GYPE: variants seen among roughly 807,000 people sequenced by gnomAD.
GYPE encodes the protein glycophorin-E.
Under a neutral mutation model 11.6 loss-of-function variants are expected in GYPE, and 8 were observed. That is an observed-to-expected ratio of 0.69 (90% CI 0.41 to 1.25). GYPE has a LOEUF of 1.25. GYPE is among the 50% of genes most tolerant of loss of function. The pLI is 0.01. For missense variants in GYPE, 90 were observed against 92.8 expected (o/e 0.97, Z 0.12); for synonymous variants, 28 against 29.6 (o/e 0.94, Z 0.18).
At chr4:143,894,868 G>A (rs1204009438) in intron 1 of GYPE, among the ~76,000 whole-genome samples, 1 of 151,980 alleles carries the variant, frequency 6.6e-6, no homozygotes, top group East Asian at 1.9e-4. Context: ...ATCAATAAAT[G>A]TAATCCAGCA....
At chr4:143,876,501 A>T (rs1578952697) in intron 3 of GYPE, among the ~76,000 whole-genome samples, 1 of 152,168 alleles carries the variant, frequency 6.6e-6, no homozygotes, top group East Asian at 1.9e-4. Context: ...GTTAGACAAA[A>T]CTTAGGGAGA....
chr4:143,902,772 C>G lies in GYPE; in HGVS notation c.37+2699G>C, dbSNP rs185295686. On this transcript the variant is annotated intron_variant, in intron 1 of 3. Coordinates refer to ENST00000358615, the MANE Select transcript of GYPE (RefSeq NM_198682.3). The stretch of plus-strand genomic sequence containing the variant: ...GTAGGCATGATGATATCACACCAGT[C>G]CCTTTGTTTCCTCCAATTAAATTAG... Among the ~76,000 whole-genome samples, 75 of 152,192 alleles carry G rather than the reference C, an allele frequency of 4.9e-4. 1 individual carries two copies. The highest frequency in any genetic ancestry group is 1.5e-3 in the South Asian group (7 of 4,810).
chr4:143,893,471 G>A (rs1333529058), intron 1 of GYPE, among the ~76,000 whole-genome samples: 1 of 151,496 alleles, frequency 6.6e-6, no homozygotes, highest in Non-Finnish European at 1.5e-5. Flanking sequence ...TCCATGTTTA[G>A]TGCTTCCTTC....
chr4:143,879,435 T>A (rs1357871640), intron 2 of GYPE, among the ~76,000 whole-genome samples: 3 of 152,210 alleles, frequency 2.0e-5, no homozygotes, highest in Non-Finnish European at 4.4e-5. Flanking sequence ...TAATTGGGGC[T>A]TTCCTTCTCT....
At position 143,903,856 on chromosome 4, in the gene GYPE, T is replaced by C. The variant is rs557429876; in HGVS notation, c.37+1615A>G. On this transcript the variant is annotated intron_variant, in intron 1 of 3. Coordinates refer to ENST00000358615, the MANE Select transcript of GYPE (RefSeq NM_198682.3). ...GGAACCCTTTCCAAATTTGGGGCAC[T>C]TGTAAGTCACACAGAGTTTTCCCAA... is the stretch of plus-strand genomic sequence containing the variant. 2.0e-5 allele frequency among the ~76,000 whole-genome samples: 3 copies of C among 152,120 alleles called. No homozygotes were observed. The South Asian group carries it at 6.2e-4, about 32-fold the overall frequency.
intron 3 of GYPE, chr4:143,875,630 CT>C: frequency 2.0e-6 from 3 of 1,474,138 alleles, no homozygotes; most frequent in Non-Finnish European, 2.8e-6. Context: ...TTGGAGGCTT[CT>C]AAAGGGTACC....
At position 143,905,468 on chromosome 4, in the gene GYPE, T is replaced by C. The variant is rs1002284069; in HGVS notation, c.37+3A>G. The C allele has an allele frequency of 1.9e-6, 3 of 1,612,924 alleles. No homozygotes were observed. The highest frequency in any genetic ancestry group is 2.5e-6 in the Non-Finnish European group (3 of 1,179,204). On this transcript the variant is annotated splice_donor_region_variant and intron_variant, in intron 1 of 3. Coordinates refer to ENST00000358615, the MANE Select transcript of GYPE (RefSeq NM_198682.3). ...AGAACCAAGATGAAATAAAATCACTTACCTGACAATAGTAATACAAAGATT... is the reference window on the plus strand; with the variant it reads ...AGAACCAAGATGAAATAAAATCACTCACCTGACAATAGTAATACAAAGATT...
At chr4:143,882,095 G>A (rs1744041472) in intron 1 of GYPE, among the ~76,000 whole-genome samples, 1 of 152,040 alleles carries the variant, frequency 6.6e-6, no homozygotes, top group African/African-American at 2.4e-5. Flanking sequence ...TCTCTTTTAA[G>A]TTCTTTTCTG....
chr4:143,883,830 A>T (rs1560942178), intron 1 of GYPE, among the ~76,000 whole-genome samples: 1 of 152,026 alleles, frequency 6.6e-6, no homozygotes, highest in Non-Finnish European at 1.5e-5. Flanking sequence ...ACATAAGAAA[A>T]AAAAACAAAA....
At chr4:143,893,478 C>A (rs1306026010) in intron 1 of GYPE, among the ~76,000 whole-genome samples, 9 of 151,528 alleles carry the variant, frequency 5.9e-5, no homozygotes, top group Admixed American at 2.0e-4. Flanking sequence ...TTAGTGCTTC[C>A]TTCAGGAGCT....
At position 143,902,903 on chromosome 4, in the gene GYPE, A is replaced by T. The variant is rs546778424; in HGVS notation, c.37+2568T>A. ...CATAATTTCCTAGTTGAAGTGATATAGTACTGTATTTTCAAATTGGTTCTT... is the reference window on the plus strand; with the variant it reads ...CATAATTTCCTAGTTGAAGTGATATTGTACTGTATTTTCAAATTGGTTCTT... On this transcript the variant is annotated intron_variant, in intron 1 of 3. Coordinates refer to ENST00000358615, the MANE Select transcript of GYPE (RefSeq NM_198682.3). 1.9e-3 allele frequency among the ~76,000 whole-genome samples: 296 copies of T among 151,896 alleles called. 1 individual carries two copies. The highest frequency in any genetic ancestry group is 6.9e-3 in the African/African-American group (285 of 41,176).
chr4:143,879,238 T>G (rs1483439292), intron 2 of GYPE, among the ~76,000 whole-genome samples: 2 of 152,196 alleles, frequency 1.3e-5, no homozygotes, highest in Non-Finnish European at 2.9e-5. Context: ...TAACCTTCCC[T>G]CTCAGTCCAC....
intron 3 of GYPE, chr4:143,875,466 G>T: frequency 1.9e-6 from 3 of 1,550,980 alleles, no homozygotes; most frequent in South Asian, 1.2e-5. Context: ...AGGTGCAGCT[G>T]GTTCTAGGCA....
At chr4:143,894,796 C>T (rs1038831966) in intron 1 of GYPE, among the ~76,000 whole-genome samples, 2 of 152,026 alleles carry the variant, frequency 1.3e-5, no homozygotes, top group Non-Finnish European at 2.9e-5. Context: ...CATCAAAAAG[C>T]TTATCCACCA....
At chr4:143,892,316 C>G (rs1279421577) in intron 1 of GYPE, among the ~76,000 whole-genome samples, 1 of 151,338 alleles carries the variant, frequency 6.6e-6, no homozygotes, top group African/African-American at 2.4e-5. Flanking sequence ...TCCTTCAGTT[C>G]TGCTCTGATT....
intron 1 of GYPE, among the ~76,000 whole-genome samples, chr4:143,882,150 G>T (rs1279277936): frequency 2.6e-5 from 4 of 152,102 alleles, no homozygotes; most frequent in South Asian, 4.1e-4. Flanking sequence ...CATCATGTGT[G>T]TATAAACGAT....
At chr4:143,900,676 C>G (rs576013680) in intron 1 of GYPE, among the ~76,000 whole-genome samples, 6 of 151,782 alleles carry the variant, frequency 4.0e-5, no homozygotes, top group Non-Finnish European at 8.8e-5. Context: ...TACTGATACA[C>G]GCTACAATAT....
At chr4:143,895,835 C>T (rs1350866139) in intron 1 of GYPE, among the ~76,000 whole-genome samples, 1 of 151,838 alleles carries the variant, frequency 6.6e-6, no homozygotes, top group African/African-American at 2.4e-5. Context: ...CAGAACAGAG[C>T]CCTCAGAAAT....
chr4:143,892,810 T>C (rs1170046866), intron 1 of GYPE, among the ~76,000 whole-genome samples: 1 of 148,376 alleles, frequency 6.7e-6, no homozygotes, highest in Non-Finnish European at 1.5e-5. Flanking sequence ...GAGAGTTCTG[T>C]AGATGTCTAT....
Sources: allele counts gnomAD v4.1 joint callset (sites outside exome capture counted in the v4.1 genomes callset), GRCh38; gene constraint gnomAD v4.1.1; transcripts MANE v1.5; gene names NCBI Gene and HGNC (gene_info 2026-07-23, HGNC 2026-07-21).